HDAC9: variants seen among roughly 807,000 people sequenced by gnomAD.
HDAC9 encodes the protein histone deacetylase 9, also known as MEF-2 interacting transcription repressor (MITR) protein.
HDAC9 carries 41 observed loss-of-function variants against 139.4 expected under a neutral mutation model. The ratio of observed to expected loss-of-function variants is 0.29; its 90% CI spans 0.23 to 0.38. HDAC9 has a LOEUF of 0.38. HDAC9 is among the 10% of genes least tolerant of loss of function. HDAC9 has a pLI of 1.00. For missense variants in HDAC9, 1,147 were observed against 1,297.0 expected, an observed-to-expected ratio of 0.88 and a Z score of 1.78; for synonymous variants, 517 against 476.2, an observed-to-expected ratio of 1.09 and a Z score of -1.12.
intron 1 of HDAC9, among the ~76,000 whole-genome samples, chr7:18,352,011 C>G (rs1167073007): frequency 6.6e-6 from 1 of 152,168 alleles, no homozygotes; most frequent in African/African-American, 2.4e-5. Context: ...AACAAAAGCT[C>G]AAGAAGAAAA....
intron 12 of HDAC9, among the ~76,000 whole-genome samples, chr7:18,686,721 C>T (rs1257070698): frequency 2.0e-5 from 3 of 151,894 alleles, no homozygotes. Flanking sequence ...AATTTTAACT[C>T]TGTCAACATT....
chr7:18,574,971 G>A (rs1050268480), intron 2 of HDAC9, among the ~76,000 whole-genome samples: 1 of 152,234 alleles, frequency 6.6e-6, no homozygotes, highest in African/African-American at 2.4e-5. Context: ...ACTCGAAAGC[G>A]GGTGAGGCTC....
At chr7:18,377,694 T>G (rs1183902237) in intron 1 of HDAC9, among the ~76,000 whole-genome samples, 2 of 152,172 alleles carry the variant, frequency 1.3e-5, no homozygotes, top group Non-Finnish European at 2.9e-5. Context: ...GTAAATTGGG[T>G]GGACTATGGA....
intron 17 of HDAC9, among the ~76,000 whole-genome samples, chr7:18,816,882 G>A (rs1794598685): frequency 6.6e-6 from 1 of 152,112 alleles, no homozygotes. Flanking sequence ...TTTTGGATGG[G>A]GAAGCAGTCA....
intron 1 of HDAC9, among the ~76,000 whole-genome samples, chr7:18,444,877 G>A (rs1055637243): frequency 6.6e-6 from 1 of 152,076 alleles, no homozygotes. Flanking sequence ...TATAATCTTT[G>A]TATTTAGTTT....
At chr7:18,983,314 C>T (rs1165961189) in intron 25 of HDAC9, among the ~76,000 whole-genome samples, 3 of 152,116 alleles carry the variant, frequency 2.0e-5, no homozygotes, top group African/African-American at 4.8e-5. Flanking sequence ...TATTCCATTG[C>T]ATGTATATGC....
chr7:18,317,197 A>AAAAT (rs1005687047), intron 1 of HDAC9, among the ~76,000 whole-genome samples: 1 of 151,312 alleles, frequency 6.6e-6, no homozygotes, highest in Non-Finnish European at 1.5e-5. Flanking sequence ...ACTCTGTCTC[A>AAAAT]AAATAAATAA....
intron 1 of HDAC9, among the ~76,000 whole-genome samples, chr7:18,416,841 T>C (rs935166565): frequency 2.0e-5 from 3 of 152,196 alleles, no homozygotes; most frequent in Non-Finnish European, 4.4e-5. Flanking sequence ...CTGTCATTCA[T>C]ATTTTGTCTC....
chr7:18,617,201 G>T lies in HDAC9; in HGVS notation c.665-12149G>T, dbSNP rs562751067. ...ACTGATTCCATCATACTCCTGTCCA[G>T]TCAATCCTTTGACTTTCTAAAGTTT... On this transcript the variant is annotated intron_variant, in intron 6 of 25. Transcript: ENST00000686413. Among the ~76,000 whole-genome samples the T allele has an allele frequency of 6.4e-4, 98 of 152,030 alleles. 1 individual carries two copies. In the South Asian group the frequency reaches 0.01, roughly 16 times the overall value.
chr7:18,152,882 T>G (rs981101869), intron 1 of HDAC9, among the ~76,000 whole-genome samples: 2 of 152,230 alleles, frequency 1.3e-5, no homozygotes, highest in Non-Finnish European at 2.9e-5. Flanking sequence ...ATGATTCATT[T>G]TTTACAAATT....
intron 1 of HDAC9, among the ~76,000 whole-genome samples, chr7:18,104,897 TC>T (rs1198176363): frequency 6.6e-6 from 1 of 152,020 alleles, no homozygotes; most frequent in African/African-American, 2.4e-5. Context: ...TTCCTTTTCC[TC>T]CCCCTTTGTT....
chr7:18,226,471 A>G (rs1793064917), intron 2 of HDAC9, among the ~76,000 whole-genome samples: 1 of 152,144 alleles, frequency 6.6e-6, no homozygotes, highest in Non-Finnish European at 1.5e-5. Context: ...TAAATCTACC[A>G]GGTCAGTCAC....
At chr7:18,691,536 T>A (rs1008970026) in intron 12 of HDAC9, among the ~76,000 whole-genome samples, 2 of 152,160 alleles carry the variant, frequency 1.3e-5, no homozygotes, top group Non-Finnish European at 2.9e-5. Flanking sequence ...TCTGGCTTGG[T>A]AATATTTGGC....
intron 1 of HDAC9, among the ~76,000 whole-genome samples, chr7:18,134,109 A>G (rs1333409282): frequency 6.6e-6 from 1 of 151,910 alleles, no homozygotes; most frequent in African/African-American, 2.4e-5. Flanking sequence ...ATAACCTTGT[A>G]GAAGTTTCCT....
At chr7:18,850,919 C>T (rs867493865) in intron 21 of HDAC9, among the ~76,000 whole-genome samples, 2 of 152,108 alleles carry the variant, frequency 1.3e-5, no homozygotes, top group South Asian at 4.1e-4. Context: ...GGCACTAATC[C>T]CGTTCTTGAG....
At chr7:18,589,036 T>G (rs1038603348) in intron 3 of HDAC9, among the ~76,000 whole-genome samples, 2 of 152,194 alleles carry the variant, frequency 1.3e-5, no homozygotes, top group East Asian at 1.9e-4. Context: ...TGAAGAGAGA[T>G]ATTCTCTCTC....
chr7:18,128,175 G>C (rs779140632), intron 1 of HDAC9, among the ~76,000 whole-genome samples: 23 of 152,162 alleles, frequency 1.5e-4, no homozygotes, highest in Middle Eastern at 3.4e-3. Context: ...TAGGAAACTT[G>C]TACCTTTACC....
At chr7:18,487,811 G>A (rs190595710) in intron 1 of HDAC9, among the ~76,000 whole-genome samples, 1 of 152,096 alleles carries the variant, frequency 6.6e-6, no homozygotes, top group Admixed American at 6.6e-5. Flanking sequence ...ATCATGGTGT[G>A]GTATGCCACG....
At chr7:18,995,597 A>C (rs953604850) in intron 25 of HDAC9, among the ~76,000 whole-genome samples, 31 of 152,210 alleles carry the variant, frequency 2.0e-4, no homozygotes, top group Admixed American at 9.8e-4. Context: ...AAAGAACAGA[A>C]GCAAAAACCA....
Sources: allele counts gnomAD v4.1 joint callset (sites outside exome capture counted in the v4.1 genomes callset), GRCh38; gene constraint gnomAD v4.1.1; transcripts MANE v1.5; gene names NCBI Gene and HGNC (gene_info 2026-07-23, HGNC 2026-07-21).